Variants in PTPRD observed in about 807,000 individuals in gnomAD.
The protein encoded by PTPRD is protein tyrosine phosphatase receptor type D, also known as receptor-type tyrosine-protein phosphatase delta.
Under a neutral mutation model 214.5 loss-of-function variants are expected in PTPRD, and 34 were observed. The ratio of observed to expected loss-of-function variants is 0.16; its 90% CI spans 0.12 to 0.21. The LOEUF is 0.21. PTPRD is among the 10% of genes least tolerant of loss of function. PTPRD has a pLI of 1.00. For missense variants in PTPRD, 2,545 were observed against 2,398.7 expected (o/e 1.06, Z -1.27); for synonymous variants, 1,128 against 845.7 (o/e 1.33, Z -5.79).
chr9:9,750,602 T>G (rs1192306388), intron 6 of PTPRD, among the ~76,000 whole-genome samples: 1 of 152,094 alleles, frequency 6.6e-6, no homozygotes, highest in African/African-American at 2.4e-5. Flanking sequence ...AACTCTAACT[T>G]CCTACAGAGG....
chr9:9,608,268 T>C (rs1264119111), intron 7 of PTPRD, among the ~76,000 whole-genome samples: 1 of 152,206 alleles, frequency 6.6e-6, no homozygotes, highest in Non-Finnish European at 1.5e-5. Flanking sequence ...TATAATTGCA[T>C]TACATTAGTA....
At chr9:9,930,334 G>C (rs139717862) in intron 5 of PTPRD, among the ~76,000 whole-genome samples, 7 of 152,154 alleles carry the variant, frequency 4.6e-5, no homozygotes, top group Non-Finnish European at 1.0e-4. Context: ...AGAATAAAAA[G>C]GGCAAGAATG....
chr9:9,626,683 A>T (rs1234437529), intron 7 of PTPRD, among the ~76,000 whole-genome samples: 2 of 152,232 alleles, frequency 1.3e-5, no homozygotes, highest in Non-Finnish European at 1.5e-5. Context: ...TACATATAAT[A>T]TTTAATCTGA....
intron 10 of PTPRD, among the ~76,000 whole-genome samples, chr9:9,030,556 C>T (rs1045747548): frequency 6.6e-6 from 1 of 151,728 alleles, no homozygotes; most frequent in African/African-American, 2.4e-5. Flanking sequence ...ATATACCATG[C>T]ATAAAGGAAA....
intron 12 of PTPRD, among the ~76,000 whole-genome samples, chr9:8,717,189 CAT>C (rs1373184870): frequency 6.6e-6 from 1 of 152,082 alleles, no homozygotes; most frequent in Non-Finnish European, 1.5e-5. Context: ...CTAAAAGTAA[CAT>C]ATGAAAACTA....
chr9:9,783,236 G>A (rs1597679237), intron 5 of PTPRD, among the ~76,000 whole-genome samples: 1 of 152,194 alleles, frequency 6.6e-6, no homozygotes, highest in South Asian at 2.1e-4. Context: ...CATTATAGGA[G>A]ATGTGCATTT....
At chr9:8,640,605 A>C in intron 12 of PTPRD, among the ~76,000 whole-genome samples, 1 of 150,630 alleles carries the variant, frequency 6.6e-6, no homozygotes, top group African/African-American at 2.4e-5. Flanking sequence ...TCTTAAATTT[A>C]TTCTTTGAAA....
At chr9:9,222,790 C>T (rs2099957027) in intron 9 of PTPRD, among the ~76,000 whole-genome samples, 1 of 151,754 alleles carries the variant, frequency 6.6e-6, no homozygotes, top group Non-Finnish European at 1.5e-5. Flanking sequence ...TGACATATTC[C>T]CCATGTAATA....
At chr9:8,506,578 T>C (rs1027612628) in intron 22 of PTPRD, among the ~76,000 whole-genome samples, 1 of 152,180 alleles carries the variant, frequency 6.6e-6, no homozygotes, top group Non-Finnish European at 1.5e-5. Context: ...TTTAACTTTT[T>C]TTCCATGCCT....
intron 40 of PTPRD, 45 bp from the exon 41 acceptor site, chr9:8,341,313 A>C: frequency 2.2e-5 from 34 of 1,529,012 alleles, no homozygotes; most frequent in African/African-American, 2.8e-5. Flanking sequence ...AACAAAGATC[A>C]TTTTCACCTA....
intron 3 of PTPRD, among the ~76,000 whole-genome samples, chr9:10,085,058 T>C (rs1399274021): frequency 6.6e-6 from 1 of 151,832 alleles, no homozygotes; most frequent in African/African-American, 2.4e-5. Flanking sequence ...TGTAGTATGG[T>C]GGGCTGGTAC....
intron 7 of PTPRD, among the ~76,000 whole-genome samples, chr9:9,640,710 T>G (rs2095912683): frequency 6.6e-6 from 1 of 152,218 alleles, no homozygotes; most frequent in Non-Finnish European, 1.5e-5. Flanking sequence ...GTGATTGGTC[T>G]TGATCACATT....
chr9:10,131,352 T>C (rs775414424), intron 3 of PTPRD, among the ~76,000 whole-genome samples: 6 of 152,142 alleles, frequency 3.9e-5, no homozygotes, highest in Non-Finnish European at 8.8e-5. Context: ...ACAATTGCAG[T>C]AGTTCAGTGC....
chr9:8,379,886 A>C (rs1424844307), intron 37 of PTPRD, among the ~76,000 whole-genome samples: 1 of 152,094 alleles, frequency 6.6e-6, no homozygotes, highest in Non-Finnish European at 1.5e-5. Context: ...GGATGCCTGG[A>C]AAATTGTTTC....
chr9:10,586,226 C>T (rs781395355), intron 2 of PTPRD, among the ~76,000 whole-genome samples: 7 of 151,844 alleles, frequency 4.6e-5, no homozygotes, highest in Non-Finnish European at 8.8e-5. Flanking sequence ...TCAATACGAG[C>T]AAATAATTAT....
chr9:9,021,344 G>C (rs904953407), intron 10 of PTPRD, among the ~76,000 whole-genome samples: 1 of 152,100 alleles, frequency 6.6e-6, no homozygotes, highest in Non-Finnish European at 1.5e-5. Flanking sequence ...ATTACTCATA[G>C]CACATACAAT....
At chr9:8,855,230 G>A (rs1719425023) in intron 11 of PTPRD, among the ~76,000 whole-genome samples, 1 of 151,814 alleles carries the variant, frequency 6.6e-6, no homozygotes, top group African/African-American at 2.4e-5. Flanking sequence ...TAGTGGCTTA[G>A]CAAATAGCAG....
At chr9:9,149,180 C>T (rs1167092407) in intron 10 of PTPRD, among the ~76,000 whole-genome samples, 2 of 152,182 alleles carry the variant, frequency 1.3e-5, no homozygotes, top group Non-Finnish European at 2.9e-5. Flanking sequence ...AGGTTCATGT[C>T]TATCTATCAG....
At chr9:10,506,856 T>C (rs968316060) in intron 2 of PTPRD, among the ~76,000 whole-genome samples, 25 of 152,092 alleles carry the variant, frequency 1.6e-4, no homozygotes, top group African/African-American at 5.6e-4. Context: ...TTAGACATTT[T>C]TGGGAAGTCA....
Sources: allele counts gnomAD v4.1 joint callset (sites outside exome capture counted in the v4.1 genomes callset), GRCh38; gene constraint gnomAD v4.1.1; transcripts MANE v1.5; gene names NCBI Gene and HGNC (gene_info 2026-07-23, HGNC 2026-07-21).